Variants in KSR2 observed in about 807,000 individuals in gnomAD.
KSR2 encodes the protein kinase suppressor of ras 2.
KSR2 carries 25 observed loss-of-function variants against 107.8 expected under a neutral mutation model. The observed-to-expected ratio is 0.23, with a 90% CI of 0.17 to 0.32. The LOEUF is 0.32. Ranked by LOEUF, KSR2 falls within the 10% of genes least tolerant of loss-of-function variation. The pLI, the probability that KSR2 is intolerant of heterozygous loss-of-function variation, is 1.00. For synonymous variants in KSR2, 480 were observed against 507.0 expected, an observed-to-expected ratio of 0.95 and a Z score of 0.71; for missense variants, 887 against 1,268.9, an observed-to-expected ratio of 0.70 and a Z score of 4.57.
Position 117,826,023 on chromosome 12 carries a change from A to AT in KSR2, c.472+29404_472+29405insA, listed in dbSNP as rs1310804387. On this transcript the variant is annotated intron_variant, in intron 3 of 19. Coordinates refer to ENST00000339824, the MANE Select transcript of KSR2 (RefSeq NM_173598.6). The stretch of plus-strand genomic sequence containing the variant: ...GGTGGGTGGATGGATGGATGCATGG[A>AT]GGGATGGATGGATGGATGGATGAAT... 2.8e-3 allele frequency among the ~76,000 whole-genome samples: 358 copies of AT among 127,516 alleles called. 4 individuals are homozygous for AT. The highest frequency in any genetic ancestry group is 1.9e-3 in the East Asian group (7 of 3,694). 83.7% of individuals were successfully genotyped at this position (127,516 alleles called of 152,430 possible).
chr12:117,741,682 G>A (rs886194275), intron 4 of KSR2, among the ~76,000 whole-genome samples: 67 of 151,838 alleles, frequency 4.4e-4, no homozygotes, highest in African/African-American at 1.6e-3. Flanking sequence ...TCTTGACAGA[G>A]AAAGACCTCA....
chr12:117,544,141 A>C (rs190176720), intron 9 of KSR2, among the ~76,000 whole-genome samples: 4 of 152,336 alleles, frequency 2.6e-5, no homozygotes, highest in African/African-American at 9.6e-5. Context: ...GCTGAACCAC[A>C]GTGGTATCTG....
At chr12:117,550,393 C>T (rs754022995) in intron 9 of KSR2, among the ~76,000 whole-genome samples, 6 of 152,226 alleles carry the variant, frequency 3.9e-5, no homozygotes, top group Non-Finnish European at 8.8e-5. Context: ...CTCCCATGGA[C>T]ACTTTCTAAG....
At chr12:117,853,513 T>C (rs1286011211) in intron 3 of KSR2, among the ~76,000 whole-genome samples, 3 of 152,086 alleles carry the variant, frequency 2.0e-5, no homozygotes, top group Non-Finnish European at 1.5e-5. Flanking sequence ...CAGCTAATTT[T>C]CTTTTTTTGG....
intron 3 of KSR2, among the ~76,000 whole-genome samples, chr12:117,806,062 G>A (rs1017336306): frequency 2.6e-5 from 4 of 152,170 alleles, no homozygotes; most frequent in African/African-American, 9.7e-5. Flanking sequence ...CCAAATTAAT[G>A]TAATATGATC....
Position 117,755,136 on chromosome 12 carries a change from C to G in KSR2, c.986+5875G>C, listed in dbSNP as rs138426946. Among the ~76,000 whole-genome samples, 393 of 152,342 alleles carry G rather than the reference C, an allele frequency of 2.6e-3. 1 individual carries two copies. Among genetic ancestry groups the G allele is most frequent in the African/African-American group, 8.8e-3 (367 of 41,584 alleles). ...CACAGAAGAGAGGGCAAAGGCTTCT[C>G]AAACCTTCTCACCTACTCCCTGATG... On this transcript the variant is annotated intron_variant, in intron 4 of 19. Transcript: ENST00000339824.
intron 4 of KSR2, among the ~76,000 whole-genome samples, chr12:117,758,983 C>T (rs1019708607): frequency 2.6e-5 from 4 of 152,154 alleles, no homozygotes; most frequent in Non-Finnish European, 4.4e-5. Flanking sequence ...GAGGTTTCAG[C>T]AGGCCCCAAT....
intron 3 of KSR2, among the ~76,000 whole-genome samples, chr12:117,825,121 G>A (rs1165151842): frequency 1.3e-5 from 2 of 152,108 alleles, no homozygotes; most frequent in African/African-American, 4.8e-5. Flanking sequence ...GGTGGAGGCT[G>A]TAGTGAGCCA....
chr12:117,507,667 G>T (rs1873782702), intron 14 of KSR2, among the ~76,000 whole-genome samples: 1 of 152,092 alleles, frequency 6.6e-6, no homozygotes, highest in South Asian at 2.1e-4. Context: ...TATTCTGATT[G>T]GTTTTCTTGA....
At position 117,968,309 on chromosome 12, in the gene KSR2, G is replaced by T. The variant is rs955578585; in HGVS notation, c.-54C>A. On this transcript the variant is annotated 5_prime_UTR_variant, in exon 1 of 20. Coordinates refer to ENST00000339824, the MANE Select transcript of KSR2 (RefSeq NM_173598.6). ...TCCTCCTCCCAGAGAGAAAAAAGAG[G>T]GGGGGGAGTAGAGGTAGTCTACCCT... 17 of 1,455,970 alleles carry T rather than the reference G, an allele frequency of 1.2e-5. 1 individual carries two copies. The highest frequency in any genetic ancestry group is 1.4e-5 in the Non-Finnish European group (16 of 1,111,484). 90.2% of individuals were successfully genotyped at this position (1,455,970 alleles called of 1,614,324 possible).
At chr12:117,725,520 A>T (rs571942242) in intron 4 of KSR2, among the ~76,000 whole-genome samples, 1 of 152,224 alleles carries the variant, frequency 6.6e-6, no homozygotes, top group South Asian at 2.1e-4. Context: ...TTTACATCAT[A>T]TGCAAAAATT....
intron 3 of KSR2, among the ~76,000 whole-genome samples, chr12:117,801,579 A>C (rs1890834584): frequency 6.6e-6 from 1 of 152,116 alleles, no homozygotes; most frequent in Admixed American, 6.6e-5. Context: ...GAGAGCCAGC[A>C]CTTCACATGG....
chr12:117,595,013 T>G (rs934975569), intron 5 of KSR2, among the ~76,000 whole-genome samples: 1 of 152,150 alleles, frequency 6.6e-6, no homozygotes, highest in Non-Finnish European at 1.5e-5. Flanking sequence ...CATCGCCTGA[T>G]ACAATCCATT....
At chr12:117,574,929 A>G (rs1356189981) in intron 7 of KSR2, among the ~76,000 whole-genome samples, 1 of 150,974 alleles carries the variant, frequency 6.6e-6, no homozygotes, top group Non-Finnish European at 1.5e-5. Context: ...CCCTCCAGGG[A>G]AGGATCAAAT....
intron 4 of KSR2, among the ~76,000 whole-genome samples, chr12:117,692,545 C>T (rs991479284): frequency 3.9e-5 from 5 of 129,858 alleles, no homozygotes; most frequent in Non-Finnish European, 8.1e-5. Flanking sequence ...TATATATACA[C>T]ATACATATAT....
chr12:117,786,656 A>T (rs1406056919), intron 3 of KSR2, among the ~76,000 whole-genome samples: 1 of 152,018 alleles, frequency 6.6e-6, no homozygotes, highest in Non-Finnish European at 1.5e-5. Flanking sequence ...TCTCTACTAA[A>T]AATACAAAAA....
intron 1 of KSR2, among the ~76,000 whole-genome samples, chr12:117,876,987 TGTACA>T (rs1005082168): frequency 1.3e-5 from 2 of 152,172 alleles, no homozygotes; most frequent in Non-Finnish European, 2.9e-5. Flanking sequence ...GAGGTAATTT[TGTACA>T]GTATTTTTAG....
chr12:117,940,812 G>A (rs886335943), intron 1 of KSR2, among the ~76,000 whole-genome samples: 4 of 152,032 alleles, frequency 2.6e-5, no homozygotes, highest in African/African-American at 4.8e-5. Flanking sequence ...TGAGCCAGGC[G>A]CAGTGGCTCA....
intron 4 of KSR2, among the ~76,000 whole-genome samples, chr12:117,729,125 G>A (rs919235854): frequency 6.6e-6 from 1 of 151,754 alleles, no homozygotes; most frequent in Non-Finnish European, 1.5e-5. Context: ...AGAAAATGAA[G>A]TCACCAGCAG....
Sources: allele counts gnomAD v4.1 joint callset (sites outside exome capture counted in the v4.1 genomes callset), GRCh38; gene constraint gnomAD v4.1.1; transcripts MANE v1.5; gene names NCBI Gene and HGNC (gene_info 2026-07-23, HGNC 2026-07-21).